AGAP1: variants seen among roughly 807,000 people sequenced by gnomAD.
AGAP1 encodes ArfGAP with GTPase domain, ankyrin repeat and PH domain 1.
AGAP1 carries 29 observed loss-of-function variants against 105.3 expected under a neutral mutation model. That is an observed-to-expected ratio of 0.28 (90% CI 0.21 to 0.38). The LOEUF is 0.38. AGAP1 is among the 10% of genes least tolerant of loss of function. The pLI is 1.00. For missense variants in AGAP1, 998 were observed against 1,165.1 expected (o/e 0.86, Z 2.09); for synonymous variants, 509 against 485.9 (o/e 1.05, Z -0.63).
intron 1 of AGAP1, among the ~76,000 whole-genome samples, chr2:235,570,454 C>CA (rs1227333454): frequency 6.6e-6 from 1 of 152,178 alleles, no homozygotes; most frequent in African/African-American, 2.4e-5. Flanking sequence ...AAAAAGAGGA[C>CA]AAAGACTTAT....
intron 16 of AGAP1, among the ~76,000 whole-genome samples, chr2:236,085,391 A>T (rs2058903550): frequency 1.3e-5 from 2 of 152,182 alleles, no homozygotes; most frequent in South Asian, 4.1e-4. Flanking sequence ...CGCCTGGAGG[A>T]TCTGTTTGGG....
intron 13 of AGAP1, among the ~76,000 whole-genome samples, chr2:235,987,594 T>C (rs1357246831): frequency 6.6e-6 from 1 of 151,828 alleles, no homozygotes; most frequent in Non-Finnish European, 1.5e-5. Flanking sequence ...TCTGCTAGCT[T>C]TTGGATTAGT....
chr2:235,789,327 C>T lies in AGAP1; in HGVS notation c.674-8432C>T, dbSNP rs187393388. Among the ~76,000 whole-genome samples the T allele has an allele frequency of 2.0e-4, 31 of 152,322 alleles. No individual in the cohort carries two copies. Among genetic ancestry groups the T allele is most frequent in the African/African-American group, 6.5e-4 (27 of 41,578 alleles). ...TAACGTCAGCAGCCTTGACTTTGCTCTGTCCTGAAGGTAACTGTTTATTAC... is the reference window on the plus strand; with the variant it reads ...TAACGTCAGCAGCCTTGACTTTGCTTTGTCCTGAAGGTAACTGTTTATTAC... On this transcript the variant is annotated intron_variant, in intron 6 of 17. Transcript: ENST00000304032. The surrounding 1 kb of genome is among the most constrained non-coding windows in gnomAD (Gnocchi z 4.2).
rs1483273876 is a variant in AGAP1, at chr2:235,899,985, A to C, written c.1156-8753A>C. 4.6e-5 allele frequency among the ~76,000 whole-genome samples: 7 copies of C among 152,246 alleles called. No homozygotes were observed. The East Asian group carries it at 1.3e-3, about 29-fold the overall frequency. The stretch of plus-strand genomic sequence containing the variant: ...TAGAATTTTCTGCTTTTTGATTTGT[A>C]GTAGAATAACTTAACCCTTTGGACT... On this transcript the variant is annotated intron_variant, in intron 10 of 17. Coordinates refer to ENST00000304032, the MANE Select transcript of AGAP1 (RefSeq NM_001037131.3).
Position 235,964,677 on chromosome 2 carries a change from T to C in AGAP1, c.1484-3785T>C, listed in dbSNP as rs547299603. ...AATTAATTAGGCTCGCCCTTTTTTT[T>C]CCAAGATATCTATAGCTTTTATCTG... On this transcript the variant is annotated intron_variant, in intron 12 of 17. Transcript: ENST00000304032. The surrounding 1 kb of genome is among the most constrained non-coding windows in gnomAD (Gnocchi z 4.6). Among the ~76,000 whole-genome samples, 38 of 152,324 alleles carry C rather than the reference T, an allele frequency of 2.5e-4. No homozygotes were observed. The highest frequency in any genetic ancestry group is 6.7e-4 in the African/African-American group (28 of 41,578).
intron 1 of AGAP1, among the ~76,000 whole-genome samples, chr2:235,676,067 A>G (rs896996284): frequency 3.9e-5 from 6 of 152,196 alleles, no homozygotes; most frequent in Non-Finnish European, 8.8e-5. Context: ...CATATATTGC[A>G]TGTTTATGGT....
chr2:235,822,528 AAG>A (rs1191032811), intron 9 of AGAP1, among the ~76,000 whole-genome samples: 1 of 152,106 alleles, frequency 6.6e-6, no homozygotes, highest in Non-Finnish European at 1.5e-5. Context: ...CTCAAGAATG[AAG>A]AGAAGCTGAA....
chr2:235,949,559 A>G (rs1480427318), intron 12 of AGAP1, among the ~76,000 whole-genome samples: 2 of 151,910 alleles, frequency 1.3e-5, no homozygotes, highest in Admixed American at 1.3e-4. Context: ...TCCCTCGAAC[A>G]CCCAAGGCTG....
At chr2:235,709,078 T>C in intron 1 of AGAP1, 101 bp from the exon 2 acceptor site, 1 of 1,198,976 alleles carries the variant, frequency 8.3e-7, no homozygotes, top group Non-Finnish European at 1.2e-6. Flanking sequence ...GTCTGCACCA[T>C]CTTCAGTGAC....
rs148661323 is a variant in AGAP1 at position 236,043,570 on chromosome 2, T to C, written c.1891+2729T>C. Among the ~76,000 whole-genome samples the C allele has an allele frequency of 4.1e-3, 619 of 152,048 alleles. 28 individuals are homozygous for C. In the East Asian group the frequency reaches 0.098, roughly 24 times the overall value. On this transcript the variant is annotated intron_variant, in intron 15 of 17. Coordinates refer to ENST00000304032, the MANE Select transcript of AGAP1 (RefSeq NM_001037131.3). Reference sequence around the variant, plus strand: ...GGTGAAACCCCATCTCTACTAAAAATACAAAAATTAGCCGGGCATGGTGGC... The same window carrying C: ...GGTGAAACCCCATCTCTACTAAAAACACAAAAATTAGCCGGGCATGGTGGC...
chr2:235,627,198 T>G (rs1946667358), intron 1 of AGAP1, among the ~76,000 whole-genome samples: 1 of 145,592 alleles, frequency 6.9e-6, no homozygotes, highest in African/African-American at 2.6e-5. Flanking sequence ...TGAGGTTTTT[T>G]TTTTTTTTTT....
At position 236,121,230 on chromosome 2, in the gene AGAP1, A is replaced by G. The variant is rs1310920184; in HGVS notation, c.2370+783A>G. Among the ~76,000 whole-genome samples, 2 of 152,276 alleles carry G rather than the reference A, an allele frequency of 1.3e-5. No homozygotes were observed. Among genetic ancestry groups the G allele is most frequent in the Non-Finnish European group, 2.9e-5 (2 of 68,048 alleles). On this transcript the variant is annotated intron_variant, in intron 17 of 17. Coordinates refer to ENST00000304032, the MANE Select transcript of AGAP1 (RefSeq NM_001037131.3). This position sits in a 1 kb window ranked among gnomAD's most constrained non-coding sequence, Gnocchi z 4.9. The stretch of plus-strand genomic sequence containing the variant: ...CCCGCAAGGCAGGATGGGTCAGTCC[A>G]GCACAGCAGCACGTTCTACAGCAGC...
chr2:235,698,192 C>T (rs759734054), intron 1 of AGAP1, among the ~76,000 whole-genome samples: 12 of 152,074 alleles, frequency 7.9e-5, no homozygotes, highest in South Asian at 6.2e-4. Context: ...ACTCTAATGC[C>T]GCCGCTGATA....
At chr2:235,703,420 AC>A (rs1027571639) in intron 1 of AGAP1, among the ~76,000 whole-genome samples, 27 of 151,454 alleles carry the variant, frequency 1.8e-4, no homozygotes, top group African/African-American at 5.8e-4. Context: ...CTTTAATCCT[AC>A]CCCCAAAGGT....
intron 6 of AGAP1, among the ~76,000 whole-genome samples, chr2:235,757,330 G>A (rs753014086): frequency 3.9e-5 from 6 of 152,272 alleles, no homozygotes; most frequent in Middle Eastern, 3.4e-3. Context: ...CTGGAAGGGC[G>A]CTGTGTGCCA....
intron 16 of AGAP1, among the ~76,000 whole-genome samples, chr2:236,097,380 CTTTTTTTT>C (rs58882083): frequency 2.3e-3 from 112 of 48,658 alleles, no homozygotes; most frequent in African/African-American, 7.9e-3. Flanking sequence ...TCATCCTAAT[CTTTTTTTT>C]TTTTTTTTTT....
chr2:235,622,984 G>T lies in AGAP1; in HGVS notation c.164-86195G>T, dbSNP rs1946532841. ...AAGCAGGAGGGGAACAAAGTCAACA[G>T]CAATGACTGTCGCTGAATCTTAAGT... On this transcript the variant is annotated intron_variant, in intron 1 of 17. Coordinates refer to ENST00000304032, the MANE Select transcript of AGAP1 (RefSeq NM_001037131.3). This position sits in a 1 kb window ranked among gnomAD's most constrained non-coding sequence, Gnocchi z 5.0. Among the ~76,000 whole-genome samples, 1 of 151,856 alleles carries T rather than the reference G, an allele frequency of 6.6e-6. No individual in the cohort carries two copies. The highest frequency in any genetic ancestry group is 2.1e-4 in the South Asian group (1 of 4,834).
In AGAP1 at chr2:235,754,368, G is replaced by A. The variant is rs1953722083; in HGVS notation, c.673+3880G>A. Among the ~76,000 whole-genome samples the A allele has an allele frequency of 6.6e-6, 1 of 151,734 alleles. No individual in the cohort carries two copies. The highest frequency in any genetic ancestry group is 1.5e-5 in the Non-Finnish European group (1 of 67,992). ...TATTTACTTTTTATACCTGTATATG[G>A]TAGAAAGAAAACATAAAGGAAAAGC... is the stretch of plus-strand genomic sequence containing the variant. On this transcript the variant is annotated intron_variant, in intron 6 of 17. Coordinates refer to ENST00000304032, the MANE Select transcript of AGAP1 (RefSeq NM_001037131.3). The surrounding 1 kb of genome is among the most constrained non-coding windows in gnomAD (Gnocchi z 4.6).
chr2:236,068,755 G>A (rs1379451750), intron 16 of AGAP1, among the ~76,000 whole-genome samples: 5 of 140,064 alleles, frequency 3.6e-5, no homozygotes, highest in South Asian at 2.3e-4. Context: ...AGCCAAGATC[G>A]CGCCACTGCA....
Sources: allele counts gnomAD v4.1 joint callset (sites outside exome capture counted in the v4.1 genomes callset), GRCh38; gene constraint gnomAD v4.1.1; non-coding constraint Gnocchi (gnomAD v3.1); transcripts MANE v1.5; gene names NCBI Gene and HGNC (gene_info 2026-07-23, HGNC 2026-07-21).